HOMER1: variants seen among roughly 807,000 people sequenced by gnomAD.
HOMER1 encodes homer protein homolog 1.
In HOMER1, 3 loss-of-function variants were observed where a neutral mutation model predicts 48.9. That is an observed-to-expected ratio of 0.06 (90% CI 0.03 to 0.16). The LOEUF (loss-of-function observed/expected upper bound fraction) is 0.16, where lower values mean the gene tolerates loss of function less well. HOMER1 is among the 10% of genes least tolerant of loss of function. The pLI is 1.00. For missense variants in HOMER1, 247 were observed against 411.4 expected, an observed-to-expected ratio of 0.60 and a Z score of 3.46; for synonymous variants, 134 against 146.4, an observed-to-expected ratio of 0.92 and a Z score of 0.61.
intron 8 of HOMER1, among the ~76,000 whole-genome samples, chr5:79,383,347 C>A (rs1252608015): frequency 6.6e-6 from 1 of 151,990 alleles, no homozygotes; most frequent in Admixed American, 6.6e-5. Flanking sequence ...TTAAACTGGA[C>A]CTTGGACAGA....
chr5:79,379,479 T>TA (rs899279653), intron 8 of HOMER1, among the ~76,000 whole-genome samples: 11 of 127,626 alleles, frequency 8.6e-5, no homozygotes, highest in Admixed American at 1.0e-4. Flanking sequence ...TATATATAAA[T>TA]ATATAAATAT....
At chr5:79,409,906 G>A (rs1340164112) in intron 5 of HOMER1, among the ~76,000 whole-genome samples, 1 of 152,182 alleles carries the variant, frequency 6.6e-6, no homozygotes, top group East Asian at 1.9e-4. Flanking sequence ...TGGAACCCTA[G>A]TACGCTGTTG....
intron 1 of HOMER1, among the ~76,000 whole-genome samples, chr5:79,478,084 T>C (rs2112336630): frequency 6.6e-6 from 1 of 152,322 alleles, no homozygotes; most frequent in East Asian, 1.9e-4. Context: ...AAGACCATTT[T>C]CATACTTACA....
intron 8 of HOMER1, among the ~76,000 whole-genome samples, chr5:79,392,692 T>C (rs774991668): frequency 2.0e-5 from 3 of 152,202 alleles, no homozygotes; most frequent in Non-Finnish European, 4.4e-5. Flanking sequence ...CAGCAGTGTA[T>C]GGTAATATCT....
chr5:79,445,867 T>C (rs542681625), intron 4 of HOMER1, among the ~76,000 whole-genome samples: 1 of 152,198 alleles, frequency 6.6e-6, no homozygotes, highest in Non-Finnish European at 1.5e-5. Context: ...CGACCCGAGA[T>C]TGTGCCACTG....
intron 8 of HOMER1, among the ~76,000 whole-genome samples, chr5:79,382,794 C>T (rs146861415): frequency 6.6e-6 from 1 of 152,132 alleles, no homozygotes; most frequent in South Asian, 2.1e-4. Flanking sequence ...TACCAAATCA[C>T]AATGACGAAC....
chr5:79,475,656 CTA>C (rs1017338544), intron 1 of HOMER1, among the ~76,000 whole-genome samples: 3 of 152,050 alleles, frequency 2.0e-5, no homozygotes, highest in African/African-American at 7.2e-5. Context: ...CAGGCTAACA[CTA>C]TTATTATTTT....
intron 1 of HOMER1, among the ~76,000 whole-genome samples, chr5:79,504,533 C>A (rs1047294738): frequency 1.3e-4 from 20 of 152,092 alleles, no homozygotes; most frequent in African/African-American, 4.6e-4. Flanking sequence ...TCCAGGAAGA[C>A]TGACTGATAG....
chr5:79,392,808 A>G (rs1749284156), intron 8 of HOMER1, among the ~76,000 whole-genome samples: 1 of 152,090 alleles, frequency 6.6e-6, no homozygotes, highest in East Asian at 1.9e-4. Context: ...TACAATTTTT[A>G]CCTTTTCTAC....
At chr5:79,391,149 T>TG (rs746100622) in intron 8 of HOMER1, among the ~76,000 whole-genome samples, 122 of 147,906 alleles carry the variant, frequency 8.2e-4, no homozygotes, top group South Asian at 5.9e-3. Flanking sequence ...TTTGTTTTTT[T>TG]TTTTTTTGAG....
At chr5:79,472,708 G>A (rs765830432) in intron 1 of HOMER1, among the ~76,000 whole-genome samples, 1 of 152,026 alleles carries the variant, frequency 6.6e-6, no homozygotes, top group Non-Finnish European at 1.5e-5. Context: ...GAGCCCGTAA[G>A]TTTGAGGTTA....
At chr5:79,391,247 C>T (rs1169156180) in intron 8 of HOMER1, among the ~76,000 whole-genome samples, 2 of 151,050 alleles carry the variant, frequency 1.3e-5, no homozygotes, top group African/African-American at 2.4e-5. Context: ...AAACGTTCTT[C>T]CCACCTCAGC....
In HOMER1 at chr5:79,449,893, T is replaced by C. The variant is rs558382556; in HGVS notation, c.294+1097A>G. Among the ~76,000 whole-genome samples the C allele has an allele frequency of 3.9e-5, 6 of 152,230 alleles. No homozygotes were observed. The East Asian group carries it at 1.2e-3, about 29-fold the overall frequency. On this transcript the variant is annotated intron_variant, in intron 3 of 8. Coordinates refer to ENST00000334082, the MANE Select transcript of HOMER1 (RefSeq NM_004272.5). The stretch of plus-strand genomic sequence containing the variant: ...CATATCCAAAAGATAACAAAAACAC[T>C]TGAAAACAGTGTTAAGAAATGTTTA...
intron 5 of HOMER1, among the ~76,000 whole-genome samples, chr5:79,411,023 G>T (rs751860470): frequency 6.6e-6 from 1 of 152,316 alleles, no homozygotes; most frequent in South Asian, 2.1e-4. Flanking sequence ...CAACGCTGGA[G>T]TAAGGGCAAA....
chr5:79,386,933 C>T (rs1044067946), intron 8 of HOMER1, among the ~76,000 whole-genome samples: 2 of 116,860 alleles, frequency 1.7e-5, no homozygotes, highest in African/African-American at 7.8e-5. Context: ...TCCTCCCCTC[C>T]CTTCCTTCCT....
intron 8 of HOMER1, among the ~76,000 whole-genome samples, chr5:79,377,319 T>TA (rs1042323011): frequency 3.9e-5 from 6 of 152,064 alleles, no homozygotes; most frequent in Non-Finnish European, 8.8e-5. Context: ...AAAGTGAGTC[T>TA]AAAAAAATAA....
intron 5 of HOMER1, among the ~76,000 whole-genome samples, chr5:79,416,499 T>C (rs1385071850): frequency 3.3e-5 from 5 of 152,214 alleles, no homozygotes; most frequent in Admixed American, 6.5e-5. Flanking sequence ...TTTGCTACAA[T>C]GGAGAGTCCC....
chr5:79,406,977 A>T (rs988897357), intron 5 of HOMER1, among the ~76,000 whole-genome samples: 1 of 152,238 alleles, frequency 6.6e-6, no homozygotes, highest in African/African-American at 2.4e-5. Flanking sequence ...GCAGCCTTCC[A>T]CTGCAGGAAG....
chr5:79,389,780 A>C (rs777503378), intron 8 of HOMER1, among the ~76,000 whole-genome samples: 4 of 152,234 alleles, frequency 2.6e-5, no homozygotes, highest in Non-Finnish European at 5.9e-5. Flanking sequence ...TTACAGCAGC[A>C]CAAAAGGACT....
Sources: gnomAD v4.1 joint callset for allele counts (sites outside exome capture counted in the v4.1 genomes callset) on GRCh38, gnomAD v4.1.1 for gene constraint, MANE v1.5 for transcripts, NCBI Gene and HGNC (gene_info 2026-07-23, HGNC 2026-07-21) for gene names.